RBM19: variants seen among roughly 807,000 people sequenced by gnomAD.
RBM19 encodes probable RNA-binding protein 19.
Under a neutral mutation model 116.8 loss-of-function variants are expected in RBM19, and 94 were observed. The observed-to-expected ratio is 0.80, with a 90% CI of 0.68 to 0.95. The LOEUF (loss-of-function observed/expected upper bound fraction) is 0.95, where lower values mean the gene tolerates loss of function less well. Among genes scored for constraint, RBM19 ranks in the 40% least tolerant of loss-of-function variants. The probability of loss-of-function intolerance (pLI) is 0.00; values close to 1 mark genes in which losing one functional copy is unlikely to be tolerated. For missense variants in RBM19, 1,161 were observed against 1,220.7 expected (o/e 0.95, Z 0.73); for synonymous variants, 475 against 494.1 (o/e 0.96, Z 0.51).
At chr12:113,823,517 T>C (rs1593445051) in intron 23 of RBM19, among the ~76,000 whole-genome samples, 196 bp from the exon 24 acceptor site, 1 of 145,706 alleles carries the variant, frequency 6.9e-6, no homozygotes, top group Non-Finnish European at 1.5e-5. Context: ...CAGAGGGAGG[T>C]GGAGAGAGGA....
At chr12:113,905,288 G>GCAGATTAGAGTCAT (rs1410506995) in intron 21 of RBM19, among the ~76,000 whole-genome samples, 4 of 152,208 alleles carry the variant, frequency 2.6e-5, no homozygotes, top group African/African-American at 9.7e-5. Flanking sequence ...ATTAGAGTCA[G>GCAGATTAGAGTCAT]AAGCAGACCC....
rs10622695 is a variant in RBM19 at position 113,886,679 on chromosome 12, CTTTTGTTTTTGT to C, written c.2559-27795_2559-27784del. ...ACAATGCGGTTTTGTTTTGTTTTTG[CTTTTGTTTTTGT>C]TTTTGTTTTTGTTTTAACCCAAAGA... On this transcript the variant is annotated intron_variant, in intron 21 of 23. Coordinates refer to ENST00000261741, the MANE Select transcript of RBM19 (RefSeq NM_016196.4). Among the ~76,000 whole-genome samples the C allele has an allele frequency of 7.3e-5, 11 of 151,526 alleles. No homozygotes were observed. In the South Asian group the frequency reaches 1.9e-3, roughly 26 times the overall value.
chr12:113,959,751 AGCCTCTACG>A (rs1265572120), intron 4 of RBM19, 105 bp downstream of exon 4: 1 of 1,291,310 alleles, frequency 7.7e-7, no homozygotes, highest in Non-Finnish European at 1.1e-6. Context: ...CACCCTCTCC[AGCCTCTACG>A]GTCTCCTAGC....
At chr12:113,930,645 A>C (rs996979290) in intron 16 of RBM19, among the ~76,000 whole-genome samples, 13 of 152,350 alleles carry the variant, frequency 8.5e-5, no homozygotes, top group African/African-American at 3.1e-4. Context: ...AGGAACACCC[A>C]GCTTAAATGA....
chr12:113,899,334 G>A (rs1881535220), intron 21 of RBM19, among the ~76,000 whole-genome samples: 1 of 152,218 alleles, frequency 6.6e-6, no homozygotes, highest in Admixed American at 6.5e-5. Context: ...AGCCACAATA[G>A]AGATGACAGC....
chr12:113,829,649 G>C (rs566857937), intron 23 of RBM19, among the ~76,000 whole-genome samples: 160 of 152,318 alleles, frequency 1.1e-3, no homozygotes, highest in African/African-American at 3.6e-3. Context: ...GACGAGGTGG[G>C]ACCTGAGTGC....
At chr12:113,848,768 C>T (rs923457576) in intron 22 of RBM19, among the ~76,000 whole-genome samples, 4 of 152,128 alleles carry the variant, frequency 2.6e-5, no homozygotes, top group Non-Finnish European at 4.4e-5. Flanking sequence ...ACCTCAGCTG[C>T]GGGCAAGATG....
chr12:113,942,072 G>A (rs1483497336), intron 14 of RBM19, among the ~76,000 whole-genome samples: 1 of 152,188 alleles, frequency 6.6e-6, no homozygotes, highest in Non-Finnish European at 1.5e-5. Context: ...TGTTGGGGGT[G>A]CCGATCTGTG....
chr12:113,832,949 T>C (rs1337157735), intron 23 of RBM19, among the ~76,000 whole-genome samples: 1 of 152,096 alleles, frequency 6.6e-6, no homozygotes, highest in African/African-American at 2.4e-5. Context: ...CTGTGAATGA[T>C]TAAGTTATGG....
chr12:113,836,422 C>A (rs1364828584), intron 23 of RBM19, among the ~76,000 whole-genome samples: 3 of 152,060 alleles, frequency 2.0e-5, no homozygotes, highest in African/African-American at 7.3e-5. Context: ...GTTTTGCAAG[C>A]ATCAACTTGC....
chr12:113,957,838 C>A lies in RBM19; in HGVS notation c.784G>T (p.Gly262Cys), dbSNP rs1872102500. ...VLQERDSKGAGQEQGMPAGKK... is the reference protein window; with the variant it reads ...VLQERDSKGACQEQGMPAGKK... ...CCAGCTGGCATCCCTTGCTCTTGGCCTGCACCCTTGCTGTCTCTTTCCTGC... is the reference window on the plus strand; with the variant it reads ...CCAGCTGGCATCCCTTGCTCTTGGCATGCACCCTTGCTGTCTCTTTCCTGC... Residue 262 changes from glycine (G) to cysteine (C), a missense_variant, in exon 6 of 24, where the codon GGC becomes TGC. Coordinates refer to ENST00000261741, the MANE Select transcript of RBM19 (RefSeq NM_016196.4). 6.2e-7 allele frequency: 1 copy of A among 1,613,636 alleles called. No individual in the cohort carries two copies. Among genetic ancestry groups the A allele is most frequent in the African/African-American group, 1.3e-5 (1 of 74,932 alleles).
intron 16 of RBM19, among the ~76,000 whole-genome samples, chr12:113,936,165 AT>A (rs113778258): frequency 0.16 from 24,175 of 151,804 alleles, 2,566 homozygotes; most frequent in African/African-American, 0.3. Context: ...ACTTATTATT[AT>A]TTTTTTTAAC....
At chr12:113,858,628 T>C (rs1439788887) in intron 22 of RBM19, among the ~76,000 whole-genome samples, 163 bp downstream of exon 22, 1 of 152,106 alleles carries the variant, frequency 6.6e-6, no homozygotes, top group Non-Finnish European at 1.5e-5. Context: ...CCCCCCAGGA[T>C]CTTCTCCAAG....
chr12:113,833,333 C>T (rs1024663449), intron 23 of RBM19, among the ~76,000 whole-genome samples: 17 of 151,830 alleles, frequency 1.1e-4, no homozygotes, highest in Admixed American at 1.1e-3. Context: ...GCCTCTGCTC[C>T]ATGGCCCTTA....
At chr12:113,921,615 A>C (rs1200781132) in intron 18 of RBM19, among the ~76,000 whole-genome samples, 2 of 152,170 alleles carry the variant, frequency 1.3e-5, no homozygotes, top group Non-Finnish European at 2.9e-5. Flanking sequence ...AGCCAACTGC[A>C]TTAAGGAATT....
intron 23 of RBM19, among the ~76,000 whole-genome samples, chr12:113,843,148 AAG>A: frequency 6.6e-6 from 1 of 152,304 alleles, no homozygotes; most frequent in Non-Finnish European, 1.5e-5. Flanking sequence ...CTATCTCCAT[AAG>A]AGAAACTGTT....
chr12:113,957,514 C>T (rs1872048023), intron 6 of RBM19, among the ~76,000 whole-genome samples: 1 of 152,106 alleles, frequency 6.6e-6, no homozygotes, highest in Non-Finnish European at 1.5e-5. Context: ...TTGCAGTGAG[C>T]TGAGATTGCA....
At chr12:113,918,531 G>C in intron 19 of RBM19, 84 bp from the exon 20 acceptor site, 1 of 1,453,820 alleles carries the variant, frequency 6.9e-7, no homozygotes, top group South Asian at 1.2e-5. Context: ...GCAGAGCCCT[G>C]GCTCGCAGAT....
At chr12:113,932,101 A>C (rs1335313283) in intron 16 of RBM19, among the ~76,000 whole-genome samples, 2 of 151,988 alleles carry the variant, frequency 1.3e-5, no homozygotes, top group East Asian at 3.9e-4. Context: ...GATCGAGAAG[A>C]GCTGTGAGGT....
Sources: gnomAD v4.1 joint callset for allele counts (sites outside exome capture counted in the v4.1 genomes callset) on GRCh38, gnomAD v4.1.1 for gene constraint, MANE v1.5 for transcripts, NCBI Gene and HGNC (gene_info 2026-07-23, HGNC 2026-07-21) for gene names.